The following SLC5A10 variants were observed in gnomAD, a reference collection of about 807,000 sequenced individuals.
SLC5A10 encodes solute carrier family 5 member 10.
In SLC5A10, 55 loss-of-function variants were observed where a neutral mutation model predicts 68.9. The ratio of observed to expected loss-of-function variants is 0.80; its 90% CI spans 0.64 to 1.00. The LOEUF (loss-of-function observed/expected upper bound fraction) is 1.00, where lower values mean the gene tolerates loss of function less well. Ranked by LOEUF, SLC5A10 falls within the 50% of genes least tolerant of loss-of-function variation. SLC5A10 has a pLI of 0.00. For synonymous variants in SLC5A10, 344 were observed against 344.8 expected, an observed-to-expected ratio of 1.00 and a Z score of 0.02; for missense variants, 732 against 819.3, an observed-to-expected ratio of 0.89 and a Z score of 1.30.
chr17:19,009,044 C>T (rs954810177), intron 9 of SLC5A10, among the ~76,000 whole-genome samples: 2 of 149,622 alleles, frequency 1.3e-5, no homozygotes, highest in Admixed American at 6.7e-5. Context: ...AACTCCTGGC[C>T]TCAAGTGATT....
intron 9 of SLC5A10, among the ~76,000 whole-genome samples, chr17:19,010,352 T>G (rs889446733): frequency 6.6e-6 from 1 of 151,984 alleles, no homozygotes; most frequent in African/African-American, 2.4e-5. Context: ...GATGCAAAAG[T>G]GGGGCCCAGT....
intron 9 of SLC5A10, among the ~76,000 whole-genome samples, chr17:19,006,403 C>CTTT (rs532718554): frequency 7.9e-5 from 11 of 138,438 alleles, no homozygotes; most frequent in African/African-American, 1.3e-4. Flanking sequence ...TTTCTTTTTT[C>CTTT]TTTTTTTTTT....
chr17:18,983,694 C>A (rs2043194171), intron 9 of SLC5A10, among the ~76,000 whole-genome samples: 1 of 152,218 alleles, frequency 6.6e-6, no homozygotes, highest in Non-Finnish European at 1.5e-5. Context: ...GCCTGTCTCG[C>A]TCTCTGTGGA....
Position 18,952,342 on chromosome 17 carries a change from C to T in SLC5A10, c.111+26C>T. The T allele has an allele frequency of 3.8e-6, 6 of 1,597,732 alleles. No homozygotes were observed. In the Middle Eastern group the frequency reaches 6.6e-4, roughly 176 times the overall value. On this transcript the variant is annotated intron_variant, in intron 1 of 14. Coordinates refer to ENST00000395645, the MANE Select transcript of SLC5A10 (RefSeq NM_001042450.4). ...GTAAGGGGACCTGTGGTGGTGTTGG[C>T]CAAGTGGGCTCTCAGGGTTGGTGCT...
rs1317887893 is a variant in SLC5A10, at chr17:19,019,559, C to T, written c.1378C>T (p.Leu460=). The change falls in exon 12 of 15, where the codon CTG becomes TTG. Residue 460 remains leucine, a synonymous_variant. Transcript: ENST00000395645. ...LAPPVTAVFV[L]GVFWRRANEQ... ...CCCACCAGTGACTGCAGTCTTTGTCCTGGGCGTCTTCTGGCGACGTGCCAA... is the reference window on the plus strand; with the variant it reads ...CCCACCAGTGACTGCAGTCTTTGTCTTGGGCGTCTTCTGGCGACGTGCCAA... The T allele has an allele frequency of 1.2e-6, 2 of 1,612,060 alleles. No individual in the cohort carries two copies. The highest frequency in any genetic ancestry group is 2.7e-5 in the African/African-American group (2 of 74,924).
At chr17:19,001,318 T>C (rs964947948) in intron 9 of SLC5A10, among the ~76,000 whole-genome samples, 1 of 152,222 alleles carries the variant, frequency 6.6e-6, no homozygotes, top group Non-Finnish European at 1.5e-5. Context: ...TCCTTCTCTG[T>C]GCCTCAGTAT....
chr17:19,017,496 C>A lies in SLC5A10; in HGVS notation c.1242-1927C>A. On this transcript the variant is annotated intron_variant, in intron 11 of 14. Transcript: ENST00000395645. This position sits in a 1 kb window ranked among gnomAD's most constrained non-coding sequence, Gnocchi z 5.6. ...CCTGGAGAGGAGGCCATCGCAGGGC[C>A]GGGTGCAGTACCATGCCGGTGACCC... 1 of 1,092,748 alleles carries A rather than the reference C, an allele frequency of 9.2e-7. No homozygotes were observed. The highest frequency in any genetic ancestry group is 1.4e-6 in the Non-Finnish European group (1 of 740,254). 67.7% of individuals were successfully genotyped at this position (1,092,748 alleles called of 1,614,324 possible). A position where few individuals can be genotyped will look rare whatever the true frequency, so the allele number is the denominator to read the frequency against.
intron 9 of SLC5A10, among the ~76,000 whole-genome samples, chr17:19,005,808 C>G (rs999995645): frequency 6.6e-6 from 1 of 152,204 alleles, no homozygotes; most frequent in African/African-American, 2.4e-5. Context: ...CCATATAGCC[C>G]CCCAAGGGCT....
chr17:18,977,688 CA>C, intron 9 of SLC5A10: 1 of 1,610,704 alleles, frequency 6.2e-7, no homozygotes, highest in Non-Finnish European at 8.5e-7. Flanking sequence ...TGGGGTCCAA[CA>C]AAGGTCCCTC....
chr17:18,966,851 C>T (rs916884576), intron 5 of SLC5A10, among the ~76,000 whole-genome samples: 8 of 152,046 alleles, frequency 5.3e-5, no homozygotes, highest in Middle Eastern at 3.2e-3. Flanking sequence ...CGGAGCATCC[C>T]GTGCCAGGGT....
rs148339173 is a variant in SLC5A10, at chr17:18,980,505, G to A, written c.982+3516G>A. 1.5e-3 allele frequency among the ~76,000 whole-genome samples: 221 copies of A among 152,232 alleles called. 1 individual carries two copies. Among genetic ancestry groups the A allele is most frequent in the Non-Finnish European group, 2.7e-3 (183 of 67,990 alleles). Reference sequence around the variant, plus strand: ...CCAGGTCGTCACCGGCCTTTTCCTGGACCCTGAACACATAAGGGCCCTCTG... The same window carrying A: ...CCAGGTCGTCACCGGCCTTTTCCTGAACCCTGAACACATAAGGGCCCTCTG... On this transcript the variant is annotated intron_variant, in intron 9 of 14. Transcript: ENST00000395645.
intron 9 of SLC5A10, chr17:18,979,625 C>A (rs780984602): frequency 1.2e-6 from 2 of 1,613,396 alleles, no homozygotes; most frequent in African/African-American, 2.7e-5. Flanking sequence ...AACTTGGTTG[C>A]CGACCGCGTG....
intron 1 of SLC5A10, among the ~76,000 whole-genome samples, chr17:18,956,239 A>C (rs867703857): frequency 9.4e-5 from 12 of 128,068 alleles, no homozygotes; most frequent in African/African-American, 2.6e-4. Context: ...AAATAAATAA[A>C]TAACAAATAG....
intron 9 of SLC5A10, chr17:18,977,225 A>G: frequency 1.6e-6 from 1 of 618,488 alleles, no homozygotes; most frequent in South Asian, 2.1e-5. Flanking sequence ...CTGTAAATGA[A>G]CGTCCCTGTG....
chr17:19,015,168 TCCGG>T lies in SLC5A10; in HGVS notation c.1212_1215del (p.Gly405SerfsTer12). On this transcript the variant is annotated frameshift_variant, in exon 11 of 15. Coordinates refer to ENST00000395645, the MANE Select transcript of SLC5A10 (RefSeq NM_001042450.4). LOFTEE classifies it high-confidence loss of function. ...CATCTGGAGGCGGCTGCGTCCCCGC[TCCGG>T]CGAGCGGGAGCTCCTGCTGGTGGGA... 1 of 1,353,286 alleles carries T rather than the reference TCCGG, an allele frequency of 7.4e-7. No homozygotes were observed. The highest frequency in any genetic ancestry group is 2.0e-5 in the Admixed American group (1 of 49,906). 83.8% of individuals were successfully genotyped at this position (1,353,286 alleles called of 1,614,324 possible). A position where few individuals can be genotyped will look rare whatever the true frequency, so the allele number is the denominator to read the frequency against.
rs751392060 is a variant in SLC5A10, at chr17:18,971,213, G to T, written c.841G>T (p.Asp281Tyr). ...CATGGCCACCTGGTACTGGTGCACC[G>T]ACCAGGTGAGTGCCAACGTCTCCCG... The part of the protein sequence containing the change: ...TIMATWYWCT[D>Y]QVIVQRSLSA... The change falls in exon 8 of 15, where the codon GAC (aspartate) becomes TAC (tyrosine). Residue 281 changes from aspartate to tyrosine, a missense_variant. Coordinates refer to ENST00000395645, the MANE Select transcript of SLC5A10 (RefSeq NM_001042450.4). This position sits in a 1 kb window ranked among gnomAD's most constrained non-coding sequence, Gnocchi z 5.5. The T allele has an allele frequency of 6.2e-7, 1 of 1,613,852 alleles. No homozygotes were observed. Among genetic ancestry groups the T allele is most frequent in the Admixed American group, 1.7e-5 (1 of 60,032 alleles).
At chr17:18,960,208 C>G (rs1199885922) in intron 4 of SLC5A10, among the ~76,000 whole-genome samples, 2 of 152,312 alleles carry the variant, frequency 1.3e-5, no homozygotes, top group East Asian at 1.9e-4. Flanking sequence ...CTCATCCAGC[C>G]TCATCATAGT....
In SLC5A10 at chr17:18,971,010, C is replaced by A. The variant is rs898774747; in HGVS notation, c.641-3C>A. On this transcript the variant is annotated splice_region_variant and splice_polypyrimidine_tract_variant and intron_variant, in intron 7 of 14. Coordinates refer to ENST00000395645, the MANE Select transcript of SLC5A10 (RefSeq NM_001042450.4). The surrounding 1 kb of genome is among the most constrained non-coding windows in gnomAD (Gnocchi z 5.5). ...TGTCCCTGTTCCACCCTGACCCCTC[C>A]AGCTTTTGACCAGATCGGTGGTTAC... The A allele has an allele frequency of 5.0e-6, 8 of 1,613,776 alleles. No homozygotes were observed. In the African/African-American group the frequency reaches 9.3e-5, roughly 19 times the overall value.
intron 9 of SLC5A10, among the ~76,000 whole-genome samples, chr17:19,011,981 CCTG>C (rs1373132088): frequency 2.6e-5 from 4 of 151,990 alleles, no homozygotes; most frequent in Admixed American, 2.0e-4. Context: ...GCCAGCCGCC[CCTG>C]CTGCTGCTGT....
Sources: gnomAD v4.1 joint callset for allele counts (sites outside exome capture counted in the v4.1 genomes callset) on GRCh38, gnomAD v4.1.1 for gene constraint, Gnocchi (gnomAD v3.1) non-coding constraint, MANE v1.5 for transcripts, NCBI Gene and HGNC (gene_info 2026-07-23, HGNC 2026-07-21) for gene names.